The following NEU3 variants were observed in gnomAD, a reference collection of about 807,000 sequenced individuals.
The protein encoded by NEU3 is neuraminidase 3, also known as sialidase-3.
A neutral mutation model predicts 11.4 loss-of-function variants in NEU3; 10 were observed. The ratio of observed to expected loss-of-function variants is 0.88; its 90% CI spans 0.54 to 1.49. NEU3 has a LOEUF of 1.49. NEU3 is among the 40% of genes most tolerant of loss of function. The pLI, the probability that NEU3 is intolerant of heterozygous loss-of-function variation, is 0.00. For missense variants in NEU3, 529 were observed against 581.8 expected, an observed-to-expected ratio of 0.91 and a Z score of 0.93; for synonymous variants, 212 against 228.2, an observed-to-expected ratio of 0.93 and a Z score of 0.64.
intron 1 of NEU3, chr11:74,989,813 C>A: frequency 1.8e-6 from 1 of 569,364 alleles, no homozygotes; most frequent in Non-Finnish European, 3.1e-6. Flanking sequence ...ACTTCAGAGT[C>A]CATGCTAGGC....
Position 75,006,383 on chromosome 11 carries a change from AGT to A in NEU3, c.1281_1282del (p.Cys427Ter). 1.9e-6 allele frequency: 3 copies of A among 1,613,936 alleles called. No homozygotes were observed. In the Middle Eastern group the frequency reaches 4.9e-4, roughly 266 times the overall value. On this transcript the variant is annotated frameshift_variant, in exon 3 of 3. Transcript: ENST00000294064. LOFTEE classifies it low-confidence loss of function (END_TRUNC). ...TTGTTTGAATGTGGGACCAAGCAAG[AGT>A]GTGAGCAGATTGCCTTCCGCCTGTT...
chr11:75,001,046 T>C (rs1259580661), intron 2 of NEU3, among the ~76,000 whole-genome samples: 6 of 152,100 alleles, frequency 3.9e-5, no homozygotes, highest in East Asian at 1.9e-4. Context: ...CCATTTTCCA[T>C]AGTGGCTACA....
chr11:75,003,027 C>G (rs138306317), intron 2 of NEU3, among the ~76,000 whole-genome samples: 88 of 152,256 alleles, frequency 5.8e-4, no homozygotes, highest in African/African-American at 2.1e-3. Flanking sequence ...TATTCTTATA[C>G]ATGTTTTTGG....
chr11:74,982,145 T>C, the NEU3 span, among the ~76,000 whole-genome samples: 1 of 152,186 alleles, frequency 6.6e-6, no homozygotes, highest in Non-Finnish European at 1.5e-5. Context: ...CTAAAAACAT[T>C]AGCTGTTTGT....
At position 75,006,911 on chromosome 11, in the gene NEU3, C is replaced by G. The variant is rs564351865; in HGVS notation, c.*419C>G. The G allele has an allele frequency of 6.2e-6, 1 of 160,740 alleles. No individual in the cohort carries two copies. Among genetic ancestry groups the G allele is most frequent in the Non-Finnish European group, 1.4e-5 (1 of 73,382 alleles). 10.0% of individuals were successfully genotyped at this position (160,740 alleles called of 1,614,324 possible). On this transcript the variant is annotated 3_prime_UTR_variant, in exon 3 of 3. Transcript: ENST00000294064. ...GTCAAAATGGAAACCAGGGGACTTA[C>G]CTTTTCACATGACTTACCCCTCATC...
Position 75,005,935 on chromosome 11 carries a change from G to A in NEU3, c.829G>A (p.Ala277Thr). The A allele has an allele frequency of 6.2e-7, 1 of 1,613,628 alleles. No homozygotes were observed. Among genetic ancestry groups the A allele is most frequent in the Non-Finnish European group, 8.5e-7 (1 of 1,179,866 alleles). Residue 277 changes from alanine (A) to threonine (T), a missense_variant, in exon 3 of 3, where the codon GCC becomes ACC. Transcript: ENST00000294064. The part of the protein sequence containing the change: ...RAGHPVLYCS[A>T]RTPNRCRAEA... ...TGGCCACCCTGTGCTATATTGCAGT[G>A]CCCGGACACCAAACAGGTGCCGGGC...
rs750912072 is a variant in NEU3, at chr11:75,005,739, G to A, written c.633G>A (p.Ala211=). Residue 211 remains alanine, a synonymous_variant, in exon 3 of 3, where the codon GCG becomes GCA. Coordinates refer to ENST00000294064, the MANE Select transcript of NEU3 (RefSeq NM_006656.6). ...AGTCAGGGAGACTGGTCATCCCTGC[G>A]TATACCTACTACATCCCTTCCTGGT... ...QLQSGRLVIP[A]YTYYIPSWFF... is the part of the protein sequence containing the mutation. 16 of 1,613,828 alleles carry A rather than the reference G, an allele frequency of 9.9e-6. No individual in the cohort carries two copies. The highest frequency in any genetic ancestry group is 6.7e-5 in the East Asian group (3 of 44,900).
At position 75,006,085 on chromosome 11, in the gene NEU3, A is replaced by G. The variant is rs376457739; in HGVS notation, c.979A>G (p.Arg327Gly). 6.2e-6 allele frequency: 10 copies of G among 1,613,982 alleles called. No individual in the cohort carries two copies. The highest frequency in any genetic ancestry group is 3.4e-6 in the Non-Finnish European group (4 of 1,179,888). The change falls in exon 3 of 3, where the codon AGG becomes GGG. Residue 327 changes from arginine to glycine, a missense_variant. Transcript: ENST00000294064. ...TTTCCGGCCCCTGGAGATCCCACAT[A>G]GGTGCCAGGACTCTAGCAGCAAAGA... ...VSFRPLEIPH[R>G]CQDSSSKDAP...
At chr11:74,998,865 C>T (rs1948817185) in intron 2 of NEU3, among the ~76,000 whole-genome samples, 2 of 152,238 alleles carry the variant, frequency 1.3e-5, no homozygotes, top group Non-Finnish European at 2.9e-5. Flanking sequence ...GAGGCCCAGC[C>T]CTACAGCCCA....
chr11:74,994,877 T>C (rs963988334), intron 2 of NEU3, 157 bp downstream of exon 2: 1 of 736,432 alleles, frequency 1.4e-6, no homozygotes, highest in African/African-American at 1.7e-5. Context: ...CACTGAGTGC[T>C]TATTGTGTGC....
At chr11:74,989,764 A>G (rs986470798) in intron 1 of NEU3, among the ~76,000 whole-genome samples, 2 of 152,224 alleles carry the variant, frequency 1.3e-5, no homozygotes, top group African/African-American at 4.8e-5. Flanking sequence ...GAAGCTCAGA[A>G]GTAAAGTGAC....
In NEU3 at chr11:75,010,382, G is replaced by C. The variant is rs1948945728; in HGVS notation, c.*3890G>C. 1.3e-5 allele frequency: 2 copies of C among 152,264 alleles called. No homozygotes were observed. Among genetic ancestry groups the C allele is most frequent in the South Asian group, 4.1e-4 (2 of 4,836 alleles). The allele number at this position is 152,264 out of a possible 1,614,324, so 9.4% of individuals were successfully genotyped here. ...AGCAGTAAAGATACACTGAATGAAT[G>C]AATGAGTCAACCATCCTTGGCCTCT... On this transcript the variant is annotated 3_prime_UTR_variant, in exon 3 of 3. Transcript: ENST00000294064.
chr11:75,012,434 G>A (rs907760626), downstream of NEU3, among the ~76,000 whole-genome samples: 2 of 152,216 alleles, frequency 1.3e-5, no homozygotes, highest in African/African-American at 2.4e-5. Context: ...AGTTTAAAAC[G>A]AAAGTATGTG....
exon 4 of NEU3, chr11:75,018,847 G>C (rs1193109309): frequency 6.5e-6 from 1 of 152,742 alleles, no homozygotes; most frequent in Non-Finnish European, 1.5e-5. Context: ...GAAAAGTTTG[G>C]AACTCCCTAG....
In NEU3 at chr11:74,989,114, C is replaced by T; in HGVS notation, c.54C>T (p.Ser18=). The change falls in exon 1 of 3, where the codon AGC becomes AGT. Residue 18 remains serine, a synonymous_variant. Transcript: ENST00000294064. ...PRPMEESPAS[S]SAPTETEEPG... Reference sequence around the variant, plus strand: ...CCATGGAAGAATCCCCGGCGTCCAGCTCTGCCCCGACAGAGACGGAGGAGC... The same window carrying T: ...CCATGGAAGAATCCCCGGCGTCCAGTTCTGCCCCGACAGAGACGGAGGAGC... 6.4e-7 allele frequency: 1 copy of T among 1,551,240 alleles called. No homozygotes were observed. The highest frequency in any genetic ancestry group is 8.7e-7 in the Non-Finnish European group (1 of 1,146,966).
chr11:74,997,953 C>A (rs1725188286), intron 2 of NEU3, among the ~76,000 whole-genome samples: 1 of 152,112 alleles, frequency 6.6e-6, no homozygotes, highest in African/African-American at 2.4e-5. Flanking sequence ...TTTCAACATG[C>A]CTTCCTCGTA....
intron 3 of NEU3, among the ~76,000 whole-genome samples, chr11:75,016,928 C>G (rs765459186): frequency 2.0e-5 from 3 of 152,170 alleles, no homozygotes; most frequent in African/African-American, 7.2e-5. Flanking sequence ...AACACTCTAG[C>G]CTGGCATCTG....
intron 2 of NEU3, among the ~76,000 whole-genome samples, chr11:74,998,121 CAGTT>C (rs755026520): frequency 1.3e-5 from 2 of 152,146 alleles, no homozygotes; most frequent in Non-Finnish European, 2.9e-5. Context: ...GATGAGGGAA[CAGTT>C]GGTTGGTGAA....
intron 2 of NEU3, 92 bp downstream of exon 2, chr11:74,994,812 A>G (rs1235595361): frequency 1.7e-6 from 2 of 1,204,794 alleles, no homozygotes; most frequent in Non-Finnish European, 2.4e-6. Context: ...TCATCAGTAC[A>G]GGAAAGCCCT....
Sources: allele counts gnomAD v4.1 joint callset (sites outside exome capture counted in the v4.1 genomes callset), GRCh38; gene constraint gnomAD v4.1.1; transcripts MANE v1.5; gene names NCBI Gene and HGNC (gene_info 2026-07-23, HGNC 2026-07-21).